Variants in OR6N1 observed in about 807,000 individuals in gnomAD.
The protein encoded by OR6N1 is olfactory receptor 6N1.
For synonymous variants in OR6N1, 170 were observed against 150.7 expected, an observed-to-expected ratio of 1.13 and a Z score of -0.94; for missense variants, 394 against 371.7, an observed-to-expected ratio of 1.06 and a Z score of -0.49.
At position 158,766,457 on chromosome 1, in the gene OR6N1, C is replaced by A. The variant is rs1657272839; in HGVS notation, c.226G>T (p.Ala76Ser). 5.6e-6 allele frequency: 9 copies of A among 1,613,998 alleles called. No individual in the cohort carries two copies. The highest frequency in any genetic ancestry group is 1.6e-4 in the Middle Eastern group (1 of 6,084). Reference sequence around the variant, plus strand: ...TTTGCCAGCATCTTAGGGATGGTGGCAGCTGTATAGCCAAGCTCTGAGAAG... The same window carrying A: ...TTTGCCAGCATCTTAGGGATGGTGGAAGCTGTATAGCCAAGCTCTGAGAAG... ...LSFSELGYTA[A>S]TIPKMLANLL... Residue 76 changes from alanine to serine, a missense_variant, in exon 2 of 2, where the codon GCC becomes TCC. Ala to Ser is a moderately conservative substitution (Grantham distance 99, BLOSUM62 1). Coordinates refer to ENST00000641846, the MANE Select transcript of OR6N1 (RefSeq NM_001005185.2).
At chr1:158,832,301 C>T in the OR6N1 span, among the ~76,000 whole-genome samples, 1,049 of 151,908 alleles carry the variant, frequency 6.9e-3, 10 homozygotes, top group African/African-American at 0.022. Flanking sequence ...AGTTTATAAA[C>T]GTTGGATTCC....
At chr1:158,815,197 T>G in the OR6N1 span, among the ~76,000 whole-genome samples, 2 of 152,130 alleles carry the variant, frequency 1.3e-5, no homozygotes, top group African/African-American at 4.8e-5. Context: ...TCAACCTCAT[T>G]TAATCCTTAG....
At chr1:158,805,694 T>C in the OR6N1 span, among the ~76,000 whole-genome samples, 1 of 152,134 alleles carries the variant, frequency 6.6e-6, no homozygotes, top group Non-Finnish European at 1.5e-5. Flanking sequence ...GAGTACAGAA[T>C]GAAAGGCAAG....
At chr1:158,794,618 G>A in the OR6N1 span, among the ~76,000 whole-genome samples, 1 of 152,270 alleles carries the variant, frequency 6.6e-6, no homozygotes, top group African/African-American at 2.4e-5. Context: ...AGACTCTAAG[G>A]TTTCCTTAGT....
At chr1:158,815,642 G>C in the OR6N1 span, among the ~76,000 whole-genome samples, 20 of 152,130 alleles carry the variant, frequency 1.3e-4, no homozygotes, top group Non-Finnish European at 2.4e-4. Flanking sequence ...GTAAAACTAG[G>C]CATGAATTTC....
intron 1 of OR6N1, among the ~76,000 whole-genome samples, chr1:158,769,500 C>T (rs1657362557): frequency 6.6e-6 from 1 of 152,116 alleles, no homozygotes; most frequent in Admixed American, 6.6e-5. Flanking sequence ...AAGAAACTGT[C>T]AGAATTTTTT....
chr1:158,785,653 A>T, the OR6N1 span, among the ~76,000 whole-genome samples: 1 of 152,198 alleles, frequency 6.6e-6, no homozygotes, highest in Non-Finnish European at 1.5e-5. Flanking sequence ...GCTAGGAGAG[A>T]CATTGTGCAA....
chr1:158,837,335 T>G, the OR6N1 span, among the ~76,000 whole-genome samples: 1 of 151,870 alleles, frequency 6.6e-6, no homozygotes, highest in Non-Finnish European at 1.5e-5. Context: ...ACCTTAGAGT[T>G]GTCTATTTCT....
At chr1:158,829,155 TC>T in the OR6N1 span, among the ~76,000 whole-genome samples, 310 of 152,312 alleles carry the variant, frequency 2.0e-3, 2 homozygotes, top group African/African-American at 6.9e-3. Context: ...GGAGATATTT[TC>T]CCCATTGTCT....
the OR6N1 span, among the ~76,000 whole-genome samples, chr1:158,816,130 C>A: frequency 6.7e-6 from 1 of 150,240 alleles, no homozygotes; most frequent in African/African-American, 2.5e-5. Flanking sequence ...TGCACTCCAG[C>A]CTGGGTGACA....
chr1:158,794,770 C>T, the OR6N1 span, among the ~76,000 whole-genome samples: 1 of 152,180 alleles, frequency 6.6e-6, no homozygotes, highest in Non-Finnish European at 1.5e-5. Flanking sequence ...GAAGTTTCCT[C>T]CTTCCTAAAC....
the OR6N1 span, among the ~76,000 whole-genome samples, chr1:158,815,121 C>A: frequency 1.3e-5 from 2 of 152,064 alleles, no homozygotes; most frequent in Non-Finnish European, 2.9e-5. Flanking sequence ...AAGCCTGGAG[C>A]ACTGAGATAA....
At chr1:158,812,689 A>C in the OR6N1 span, among the ~76,000 whole-genome samples, 1 of 152,258 alleles carries the variant, frequency 6.6e-6, no homozygotes, top group African/African-American at 2.4e-5. Context: ...AACTAATTTC[A>C]TAAGTGATTT....
the OR6N1 span, among the ~76,000 whole-genome samples, chr1:158,833,562 ATG>A: frequency 6.6e-6 from 1 of 152,140 alleles, no homozygotes; most frequent in Non-Finnish European, 1.5e-5. Context: ...CTCTTCATAT[ATG>A]TTTAATCATA....
chr1:158,826,642 C>T, the OR6N1 span, among the ~76,000 whole-genome samples: 3 of 152,074 alleles, frequency 2.0e-5, no homozygotes, highest in South Asian at 2.1e-4. Flanking sequence ...TAGAGTATTA[C>T]AGAGGCACCC....
rs753809722 is a variant in OR6N1 at position 158,765,451 on chromosome 1, C to T, written c.*293G>A. ...CTATAAACGTATAATAGGTAAGACA[C>T]AGATTTTAAAAAAAACCTAAGTGTG... On this transcript the variant is annotated 3_prime_UTR_variant, in exon 2 of 2. Transcript: ENST00000641846. The T allele has an allele frequency of 6.2e-4, 168 of 271,280 alleles. 2 individuals are homozygous for T. The highest frequency in any genetic ancestry group is 8.2e-4 in the Non-Finnish European group (117 of 143,332). The allele number at this position is 271,280 out of a possible 1,614,324, so 16.8% of individuals were successfully genotyped here. A position where few individuals can be genotyped will look rare whatever the true frequency, so the allele number is the denominator to read the frequency against.
At chr1:158,818,124 A>G in the OR6N1 span, among the ~76,000 whole-genome samples, 6 of 152,116 alleles carry the variant, frequency 3.9e-5, no homozygotes, top group African/African-American at 1.4e-4. Context: ...ATACCAAACC[A>G]TCTCCCTACT....
At chr1:158,771,270 G>A (rs1210654702) in intron 1 of OR6N1, among the ~76,000 whole-genome samples, 8 of 151,978 alleles carry the variant, frequency 5.3e-5, no homozygotes, top group African/African-American at 1.9e-4. Context: ...TATTTTCCAG[G>A]CATATGTCTT....
At position 158,766,045 on chromosome 1, in the gene OR6N1, A is replaced by G. The variant is rs1657249668; in HGVS notation, c.638T>C (p.Leu213Pro). The G allele has an allele frequency of 1.2e-6, 2 of 1,614,126 alleles. No homozygotes were observed. Among genetic ancestry groups the G allele is most frequent in the Non-Finnish European group, 1.7e-6 (2 of 1,180,048 alleles). ...GATCTGCACATAGGAGCAGAGGATC[A>G]GCAGGAAGGTGGCTAGGATCTTGCA... is the stretch of plus-strand genomic sequence containing the variant. ...NSCKILATFL[L>P]ILCSYVQIIC... is the part of the protein sequence containing the mutation. The change falls in exon 2 of 2, where the codon CTG becomes CCG. Residue 213 changes from leucine to proline, a missense_variant. By Grantham distance (98) the Leu-to-Pro change is moderately conservative. Transcript: ENST00000641846.
Sources: allele counts gnomAD v4.1 joint callset (sites outside exome capture counted in the v4.1 genomes callset), GRCh38; gene constraint gnomAD v4.1.1; transcripts MANE v1.5; gene names NCBI Gene and HGNC (gene_info 2026-07-23, HGNC 2026-07-21).